The following PRPF40B variants were observed in gnomAD, a reference collection of about 807,000 sequenced individuals.
PRPF40B encodes pre-mRNA processing factor 40B, also known as pre-mRNA-processing factor 40 homolog B.
A neutral mutation model predicts 124.5 loss-of-function variants in PRPF40B; 56 were observed. That is an observed-to-expected ratio of 0.45 (90% CI 0.36 to 0.56). The LOEUF (loss-of-function observed/expected upper bound fraction) is 0.56, where lower values mean the gene tolerates loss of function less well. Among genes scored for constraint, PRPF40B ranks in the 20% least tolerant of loss-of-function variants. The probability of loss-of-function intolerance (pLI) is 0.00; values close to 1 mark genes in which losing one functional copy is unlikely to be tolerated. For synonymous variants in PRPF40B, 443 were observed against 426.4 expected, an observed-to-expected ratio of 1.04 and a Z score of -0.48; for missense variants, 1,053 against 1,169.5, an observed-to-expected ratio of 0.90 and a Z score of 1.45.
intron 5 of PRPF40B, 66 bp from the exon 6 acceptor site, chr12:49,632,789 G>A: frequency 1.2e-6 from 2 of 1,609,422 alleles, no homozygotes; most frequent in Non-Finnish European, 1.7e-6. Flanking sequence ...AATACGGGAG[G>A]CATAGGTGGG....
In PRPF40B at chr12:49,631,468, C is replaced by T. The variant is rs760272270; in HGVS notation, c.152C>T (p.Pro51Leu). 6 of 1,522,090 alleles carry T rather than the reference C, an allele frequency of 3.9e-6. No individual in the cohort carries two copies. The highest frequency in any genetic ancestry group is 5.3e-6 in the Non-Finnish European group (6 of 1,138,978). The allele number at this position is 1,522,090 out of a possible 1,614,324, so 94.3% of individuals were successfully genotyped here. A position where few individuals can be genotyped will look rare whatever the true frequency, so the allele number is the denominator to read the frequency against. Residue 51 changes from proline to leucine, a missense_variant, in exon 3 of 26, where the codon CCA (proline) becomes CTA (leucine). Coordinates refer to ENST00000548825, the MANE Select transcript of PRPF40B (RefSeq NM_001031698.3). The surrounding 1 kb of genome is among the most constrained non-coding windows in gnomAD (Gnocchi z 4.3). ...CTACCCCCCATGAGTCAGAGACCACCAGCTATCCCCCCCATGCCACCTGGC... is the reference window on the plus strand; with the variant it reads ...CTACCCCCCATGAGTCAGAGACCACTAGCTATCCCCCCCATGCCACCTGGC... ...MGLPPMSQRP[P>L]AIPPMPPGIL...
At chr12:49,637,655 C>T in intron 17 of PRPF40B, 71 bp downstream of exon 17, 1 of 1,559,198 alleles carries the variant, frequency 6.4e-7, no homozygotes, top group East Asian at 2.2e-5. Flanking sequence ...CCCCCTACTA[C>T]CGGCTCCTGT....
rs543181624 is a variant in PRPF40B, at chr12:49,642,908, C to T, written c.2119-22C>T. On this transcript the variant is annotated intron_variant, in intron 21 of 25. Transcript: ENST00000548825. This position sits in a 1 kb window ranked among gnomAD's most constrained non-coding sequence, Gnocchi z 5.8. ...GGCTAAGTCTGGTGCTGTCCTCACCCTTCTTCCTCTGCCTCTAGCAGACTG... is the reference window on the plus strand; with the variant it reads ...GGCTAAGTCTGGTGCTGTCCTCACCTTTCTTCCTCTGCCTCTAGCAGACTG... 4.4e-6 allele frequency: 7 copies of T among 1,606,610 alleles called. No individual in the cohort carries two copies. In the South Asian group the frequency reaches 7.8e-5, roughly 18 times the overall value.
chr12:49,637,645 C>T (rs200247987), intron 17 of PRPF40B, 61 bp downstream of exon 17: 1,138 of 1,566,380 alleles, frequency 7.3e-4, no homozygotes, highest in Non-Finnish European at 9.6e-4. Context: ...CCTCTCTGCA[C>T]CCCCTACTAC....
At position 49,635,485 on chromosome 12, in the gene PRPF40B, T is replaced by G. The variant is rs776186351; in HGVS notation, c.1275+12T>G. The G allele has an allele frequency of 6.2e-7, 1 of 1,606,336 alleles. No homozygotes were observed. The highest frequency in any genetic ancestry group is 8.5e-7 in the Non-Finnish European group (1 of 1,176,124). On this transcript the variant is annotated intron_variant, in intron 14 of 25. Coordinates refer to ENST00000548825, the MANE Select transcript of PRPF40B (RefSeq NM_001031698.3). This position sits in a 1 kb window ranked among gnomAD's most constrained non-coding sequence, Gnocchi z 4.1. ...CCAAGAAGGAGAAGGTAATGGTCCC[T>G]GGGCAGAATCCTTCAGCCCATCTCA...
At chr12:49,628,890 C>T (rs1229301012) in intron 1 of PRPF40B, among the ~76,000 whole-genome samples, 1 of 152,158 alleles carries the variant, frequency 6.6e-6, no homozygotes, top group African/African-American at 2.4e-5. Context: ...TAAAGGCAGA[C>T]ATGAAGGGCG....
intron 9 of PRPF40B, 81 bp downstream of exon 9, chr12:49,633,742 C>T (rs1941471635): frequency 3.1e-6 from 5 of 1,609,112 alleles, no homozygotes; most frequent in East Asian, 4.5e-5. Context: ...GATCTCTACA[C>T]TGTGGGAGGA....
chr12:49,631,828 G>A lies in PRPF40B; in HGVS notation c.229-32G>A, dbSNP rs1941252895. Reference sequence around the variant, plus strand: ...CCCTCCTGTTCCAGCCCTTACCTTGGTGGTTGGTTTCTGTCTTCTTTGTAT... The same window carrying A: ...CCCTCCTGTTCCAGCCCTTACCTTGATGGTTGGTTTCTGTCTTCTTTGTAT... On this transcript the variant is annotated intron_variant, in intron 3 of 25. Transcript: ENST00000548825. This position sits in a 1 kb window ranked among gnomAD's most constrained non-coding sequence, Gnocchi z 4.3. The A allele has an allele frequency of 6.3e-7, 1 of 1,599,092 alleles. No homozygotes were observed. Among genetic ancestry groups the A allele is most frequent in the Non-Finnish European group, 8.6e-7 (1 of 1,166,874 alleles).
chr12:49,634,257 T>C (rs1012364816), intron 10 of PRPF40B, 75 bp from the exon 11 acceptor site: 10 of 1,607,930 alleles, frequency 6.2e-6, no homozygotes, highest in African/African-American at 1.3e-5. Context: ...GGGGGTGATA[T>C]GTTGCCAGGA....
upstream of PRPF40B, chr12:49,623,450 GCCGGCGGGAGCCA>G: frequency 1.1e-6 from 1 of 929,878 alleles, no homozygotes; most frequent in East Asian, 3.6e-5. Flanking sequence ...GGCCCCGCTC[GCCGGCGGGAGCCA>G]CCGGAGCCCC....
intron 4 of PRPF40B, chr12:49,632,254 G>A: frequency 3.5e-6 from 2 of 576,562 alleles, no homozygotes; most frequent in Non-Finnish European, 6.2e-6. Context: ...AGAGTCAGTA[G>A]CACCTGGGGA....
At chr12:49,643,474 T>A in intron 23 of PRPF40B, 77 bp downstream of exon 23, 1 of 1,495,790 alleles carries the variant, frequency 6.7e-7, no homozygotes, top group Non-Finnish European at 9.0e-7. Flanking sequence ...AAGCCCCAGC[T>A]CCTTTGAGGG....
At position 49,644,168 on chromosome 12, in the gene PRPF40B, A is replaced by C. The variant is rs1462629114; in HGVS notation, c.2655A>C (p.Leu885=). The C allele has an allele frequency of 1.9e-6, 3 of 1,613,984 alleles. No homozygotes were observed. The highest frequency in any genetic ancestry group is 2.5e-6 in the Non-Finnish European group (3 of 1,180,036). The change falls in exon 26 of 26, where the codon CTA becomes CTC. Residue 885 remains leucine (L), a synonymous_variant. Coordinates refer to ENST00000548825, the MANE Select transcript of PRPF40B (RefSeq NM_001031698.3). ...GELERRRRTL[L]QQLDDHQ Reference sequence around the variant, plus strand: ...TGGAGAGGCGGCGGCGGACACTCCTACAGCAGCTGGATGATCACCAGTGAC... The same window carrying C: ...TGGAGAGGCGGCGGCGGACACTCCTCCAGCAGCTGGATGATCACCAGTGAC...
intron 22 of PRPF40B, 33 bp downstream of exon 22, chr12:49,643,049 A>C (rs1419696408): frequency 6.2e-7 from 1 of 1,609,382 alleles, no homozygotes; most frequent in Non-Finnish European, 8.5e-7. Flanking sequence ...CATGGGGTGA[A>C]GCTGGGTTGT....
intron 12 of PRPF40B, 93 bp downstream of exon 12, chr12:49,634,695 G>T: frequency 6.7e-7 from 1 of 1,496,422 alleles, no homozygotes; most frequent in South Asian, 1.2e-5. Context: ...CAGCCCTAAG[G>T]GAACCAGAGT....
rs771586303 is a variant in PRPF40B, at chr12:49,634,324, C to T, written c.813-8C>T. On this transcript the variant is annotated splice_polypyrimidine_tract_variant and splice_region_variant and intron_variant, in intron 10 of 25. Coordinates refer to ENST00000548825, the MANE Select transcript of PRPF40B (RefSeq NM_001031698.3). ...GGACCCTGTGGCTGAGTCCCCTGTGCCCTCCAGTTCTGGACAGCATCAGCC... is the reference window on the plus strand; with the variant it reads ...GGACCCTGTGGCTGAGTCCCCTGTGTCCTCCAGTTCTGGACAGCATCAGCC... 5.6e-6 allele frequency: 9 copies of T among 1,614,016 alleles called. No individual in the cohort carries two copies. The highest frequency in any genetic ancestry group is 7.6e-6 in the Non-Finnish European group (9 of 1,180,028).
chr12:49,624,204 C>T, intron 1 of PRPF40B: 2 of 972,910 alleles, frequency 2.1e-6, no homozygotes, highest in Non-Finnish European at 2.4e-6. Context: ...CCTCAGATTT[C>T]CCATCAATTT....
Position 49,635,145 on chromosome 12 carries a change from A to C in PRPF40B, c.1048A>C (p.Lys350Gln). Residue 350 changes from lysine to glutamine, a missense_variant, in exon 13 of 26, where the codon AAG (lysine) becomes CAG (glutamine). By Grantham distance (53) the Lys-to-Gln change is moderately conservative (BLOSUM62 1). Transcript: ENST00000548825. This position sits in a 1 kb window ranked among gnomAD's most constrained non-coding sequence, Gnocchi z 4.1. ...GAAAAAGCAGGCATTCAATGCCTAC[A>C]AGGCGCAGCGGGAGAAGGAGGAGAA... ...SEKKQAFNAY[K>Q]AQREKEEKEE... 1 of 1,614,076 alleles carries C rather than the reference A, an allele frequency of 6.2e-7. No individual in the cohort carries two copies. The highest frequency in any genetic ancestry group is 8.5e-7 in the Non-Finnish European group (1 of 1,180,026).
intron 23 of PRPF40B, 108 bp from the exon 24 acceptor site, chr12:49,643,583 T>G: frequency 7.1e-7 from 1 of 1,399,632 alleles, no homozygotes; most frequent in South Asian, 1.4e-5. Flanking sequence ...TTAGACTTCC[T>G]CAGAGCATGA....
Sources: gnomAD v4.1 joint callset for allele counts (sites outside exome capture counted in the v4.1 genomes callset) on GRCh38, gnomAD v4.1.1 for gene constraint, Gnocchi (gnomAD v3.1) non-coding constraint, MANE v1.5 for transcripts, NCBI Gene and HGNC (gene_info 2026-07-23, HGNC 2026-07-21) for gene names.